AP2A1: variants seen among roughly 807,000 people sequenced by gnomAD.
The protein encoded by AP2A1 is AP-2 complex subunit alpha-1.
A neutral mutation model predicts 107.3 loss-of-function variants in AP2A1; 21 were observed. The observed-to-expected ratio is 0.20, with a 90% confidence interval of 0.14 to 0.28. The LOEUF (loss-of-function observed/expected upper bound fraction) is 0.28, where lower values mean the gene tolerates loss of function less well. Among genes scored for constraint, AP2A1 ranks in the 10% least tolerant of loss-of-function variants. The pLI, the probability that AP2A1 is intolerant of heterozygous loss-of-function variation, is 1.00. For missense variants in AP2A1, 873 were observed against 1,307.7 expected (o/e 0.67, Z 5.13); for synonymous variants, 602 against 564.8 (o/e 1.07, Z -0.93).
intron 1 of AP2A1, among the ~76,000 whole-genome samples, chr19:49,769,962 A>G (rs1302187691): frequency 6.6e-6 from 1 of 152,030 alleles, no homozygotes; most frequent in African/African-American, 2.4e-5. Flanking sequence ...TCCGCCTCCC[A>G]GGTTCAAGCA....
intron 7 of AP2A1, 31 bp downstream of exon 7, chr19:49,795,769 G>C: frequency 6.7e-7 from 1 of 1,485,646 alleles, no homozygotes; most frequent in Non-Finnish European, 9.2e-7. Flanking sequence ...CCCAACCCGG[G>C]GTGGCCTGCT....
Position 49,782,009 on chromosome 19 carries a change from C to T in AP2A1, c.199C>T (p.Leu67=). ...KYVCKLLFIF[L]LGHDIDFGHM... ...TGTGTGTAAACTGCTTTTCATCTTC[C>T]TGCTTGGCCATGACATTGACTTTGG... The change falls in exon 3 of 23, where the codon CTG becomes TTG. Residue 67 remains leucine (L), a synonymous_variant. Coordinates refer to ENST00000354293, the MANE Select transcript of AP2A1 (RefSeq NM_130787.3). 2.5e-6 allele frequency: 4 copies of T among 1,605,774 alleles called. No homozygotes were observed. Among genetic ancestry groups the T allele is most frequent in the African/African-American group, 1.3e-5 (1 of 74,830 alleles).
chr19:49,802,510 C>T (rs1263346713), intron 15 of AP2A1: 1 of 1,604,110 alleles, frequency 6.2e-7, no homozygotes, highest in African/African-American at 1.3e-5. Flanking sequence ...CTTCTCTTGT[C>T]TGCTCTGGGA....
rs778061575 is a variant in AP2A1, at chr19:49,799,316, C to T, written c.966-11C>T. On this transcript the variant is annotated splice_polypyrimidine_tract_variant and intron_variant, in intron 8 of 22. Coordinates refer to ENST00000354293, the MANE Select transcript of AP2A1 (RefSeq NM_130787.3). ...CTCTCACCATCCCTCTCTTGTGGCC[C>T]CTGCTGGCAGTGAGCCCAACCTCCT... 1.9e-6 allele frequency: 3 copies of T among 1,607,906 alleles called. No individual in the cohort carries two copies. Among genetic ancestry groups the T allele is most frequent in the Non-Finnish European group, 2.5e-6 (3 of 1,179,156 alleles).
At chr19:49,772,455 G>A (rs901988364) in intron 1 of AP2A1, among the ~76,000 whole-genome samples, 3 of 150,850 alleles carry the variant, frequency 2.0e-5, no homozygotes, top group African/African-American at 4.9e-5. Flanking sequence ...TGGGATTACA[G>A]GAGTGAGGCT....
chr19:49,781,378 G>A (rs899770346), intron 1 of AP2A1, among the ~76,000 whole-genome samples: 5 of 152,108 alleles, frequency 3.3e-5, no homozygotes, highest in Non-Finnish European at 7.4e-5. Context: ...AGCACCCTGC[G>A]GCCAGCCAAG....
chr19:49,767,614 AG>A (rs780680785), intron 1 of AP2A1, among the ~76,000 whole-genome samples: 1 of 152,182 alleles, frequency 6.6e-6, no homozygotes, highest in East Asian at 1.9e-4. Context: ...AAGAGGCCAG[AG>A]GGGACCTGGA....
In AP2A1 at chr19:49,806,719, C is replaced by T. The variant is rs1300225619; in HGVS notation, c.2829C>T (p.Val943=). The change falls in exon 23 of 23, where the codon GTC becomes GTT. Residue 943 remains valine (V), a synonymous_variant. Coordinates refer to ENST00000354293, the MANE Select transcript of AP2A1 (RefSeq NM_130787.3). The stretch of plus-strand genomic sequence containing the variant: ...CCCTGCGCACCAGCAAGGAGCCCGT[C>T]TCCCGTCACCTGTGTGAGCTGCTGG... The part of the protein sequence containing the change: ...RLTLRTSKEP[V]SRHLCELLAQ... The T allele has an allele frequency of 1.2e-6, 2 of 1,613,474 alleles. No homozygotes were observed. The highest frequency in any genetic ancestry group is 1.1e-5 in the South Asian group (1 of 91,070).
At chr19:49,793,130 C>T (rs2073167856) in intron 6 of AP2A1, 38 bp downstream of exon 6, 4 of 1,539,166 alleles carry the variant, frequency 2.6e-6, no homozygotes, top group Non-Finnish European at 3.5e-6. Context: ...GGAGGTGGCC[C>T]TGGCATCCCT....
chr19:49,789,111 C>T (rs2073110405), intron 4 of AP2A1, among the ~76,000 whole-genome samples: 1 of 152,200 alleles, frequency 6.6e-6, no homozygotes, highest in Admixed American at 6.5e-5. Context: ...TCCAGTGAGA[C>T]ATGCTGCCAC....
At chr19:49,773,610 G>A (rs968291825) in intron 1 of AP2A1, among the ~76,000 whole-genome samples, 1 of 152,324 alleles carries the variant, frequency 6.6e-6, no homozygotes, top group Middle Eastern at 3.4e-3. Flanking sequence ...GGGTGCTCAC[G>A]TTCTAGAGAG....
intron 4 of AP2A1, among the ~76,000 whole-genome samples, chr19:49,790,824 G>A (rs939288852): frequency 6.6e-6 from 1 of 152,238 alleles, no homozygotes; most frequent in Non-Finnish European, 1.5e-5. Flanking sequence ...TCAGTTTGTT[G>A]TGGAGAGAAG....
chr19:49,787,502 C>T (rs2084756562), intron 4 of AP2A1, among the ~76,000 whole-genome samples: 2 of 149,904 alleles, frequency 1.3e-5, no homozygotes, highest in African/African-American at 4.9e-5. Context: ...TGTGTGCCAC[C>T]ACACCTGGCT....
At chr19:49,777,490 C>G (rs570114115) in intron 1 of AP2A1, among the ~76,000 whole-genome samples, 150 of 151,072 alleles carry the variant, frequency 9.9e-4, no homozygotes, top group African/African-American at 3.2e-3. Context: ...AAAAAATTAG[C>G]CAGGCATGGT....
In AP2A1 at chr19:49,798,791, C is replaced by T. The variant is rs189553982; in HGVS notation, c.815-11C>T. ...GACACTCAGCCGGGGGCGTCCCCTTCGTTTCCCCAGAGGATGCGGCTGTGA... is the reference window on the plus strand; with the variant it reads ...GACACTCAGCCGGGGGCGTCCCCTTTGTTTCCCCAGAGGATGCGGCTGTGA... On this transcript the variant is annotated splice_polypyrimidine_tract_variant and intron_variant, in intron 7 of 22. Coordinates refer to ENST00000354293, the MANE Select transcript of AP2A1 (RefSeq NM_130787.3). The T allele has an allele frequency of 3.7e-5, 59 of 1,601,550 alleles. 1 individual carries two copies. In the East Asian group the frequency reaches 9.7e-4, roughly 26 times the overall value.
rs1051665559 is a variant in AP2A1 at position 49,768,172 on chromosome 19, C to G, written c.67+972C>G. 2.0e-5 allele frequency among the ~76,000 whole-genome samples: 3 copies of G among 152,038 alleles called. No homozygotes were observed. The East Asian group carries it at 5.8e-4, about 29-fold the overall frequency. On this transcript the variant is annotated intron_variant, in intron 1 of 22. Transcript: ENST00000354293. ...AGCAGGACAGGCAGGGATCTGAGCC[C>G]TTTTCTATTTGACCACAGTAATATG...
intron 1 of AP2A1, among the ~76,000 whole-genome samples, chr19:49,772,360 C>T (rs981664877): frequency 7.3e-6 from 1 of 137,780 alleles, no homozygotes; most frequent in African/African-American, 2.7e-5. Context: ...CCCGGGTTCA[C>T]GGAGATGGGT....
chr19:49,776,459 A>T (rs1324111664), intron 1 of AP2A1, among the ~76,000 whole-genome samples: 3 of 152,088 alleles, frequency 2.0e-5, no homozygotes, highest in Non-Finnish European at 4.4e-5. Flanking sequence ...CCTCTTTCAG[A>T]ATACTTGCCA....
Position 49,799,535 on chromosome 19 carries a change from C to A in AP2A1, c.1134+40C>A, listed in dbSNP as rs764737066. 1.5e-5 allele frequency: 24 copies of A among 1,604,960 alleles called. No individual in the cohort carries two copies. In the African/African-American group the frequency reaches 2.9e-4, roughly 20 times the overall value. ...AGCCCACCCCGGGCCTGCCACCCCC[C>A]TCAGAAAGACCAGAGGCTCAGAGGC... On this transcript the variant is annotated intron_variant, in intron 9 of 22. Coordinates refer to ENST00000354293, the MANE Select transcript of AP2A1 (RefSeq NM_130787.3).
Sources: allele counts gnomAD v4.1 joint callset (sites outside exome capture counted in the v4.1 genomes callset), GRCh38; gene constraint gnomAD v4.1.1; transcripts MANE v1.5; gene names NCBI Gene and HGNC (gene_info 2026-07-23, HGNC 2026-07-21).